ARB2A: variants seen among roughly 807,000 people sequenced by gnomAD.
ARB2A encodes cotranscriptional regulator ARB2A.
At chr5:94,076,742 C>A in the ARB2A span, among the ~76,000 whole-genome samples, 1 of 152,144 alleles carries the variant, frequency 6.6e-6, no homozygotes, top group Non-Finnish European at 1.5e-5. Flanking sequence ...TTCCACACAG[C>A]ACCCTTTGCT....
chr5:93,933,483 T>G, the ARB2A span, among the ~76,000 whole-genome samples: 1 of 152,048 alleles, frequency 6.6e-6, no homozygotes, highest in African/African-American at 2.4e-5. Flanking sequence ...TAAAAAAGGA[T>G]GAGTTCATGT....
the ARB2A span, chr5:93,805,905 G>A: frequency 1.1e-5 from 11 of 984,958 alleles, no homozygotes; most frequent in Non-Finnish European, 1.3e-5. Context: ...GAATTAGCTT[G>A]TTTGATCATG....
At chr5:94,023,982 A>G in the ARB2A span, among the ~76,000 whole-genome samples, 3 of 152,232 alleles carry the variant, frequency 2.0e-5, no homozygotes, top group Non-Finnish European at 4.4e-5. Context: ...ATAAAGCAGT[A>G]GGCATTAACT....
the ARB2A span, among the ~76,000 whole-genome samples, chr5:93,761,994 T>G: frequency 3.3e-5 from 5 of 151,876 alleles, no homozygotes; most frequent in African/African-American, 7.3e-5. Context: ...TGAGGGTCCT[T>G]ACTGTTAGAA....
chr5:93,881,333 C>T, the ARB2A span: 1 of 601,464 alleles, frequency 1.7e-6, no homozygotes, highest in Middle Eastern at 4.7e-4. Context: ...CCCATTTAAT[C>T]CAAGTAGACG....
chr5:93,700,577 T>G, the ARB2A span, among the ~76,000 whole-genome samples: 36 of 152,080 alleles, frequency 2.4e-4, no homozygotes, highest in Non-Finnish European at 4.0e-4. Context: ...TGTTACTATC[T>G]CCTGCAGCAG....
chr5:93,729,013 T>G, the ARB2A span, among the ~76,000 whole-genome samples: 1 of 152,114 alleles, frequency 6.6e-6, no homozygotes, highest in African/African-American at 2.4e-5. Flanking sequence ...TTTAACTCTT[T>G]ATTGCAGTAA....
At chr5:93,705,651 G>GTGTGTGTGTGTA in the ARB2A span, among the ~76,000 whole-genome samples, 124 of 132,926 alleles carry the variant, frequency 9.3e-4, no homozygotes, top group African/African-American at 3.2e-3. Flanking sequence ...GTGTGTGTGT[G>GTGTGTGTGTGTA]TATATATATA....
chr5:93,680,903 A>C, the ARB2A span, among the ~76,000 whole-genome samples: 1 of 152,178 alleles, frequency 6.6e-6, no homozygotes, highest in South Asian at 2.1e-4. Flanking sequence ...TTTCTTAGAT[A>C]GATTTATAAA....
At chr5:94,012,121 G>A in the ARB2A span, among the ~76,000 whole-genome samples, 49 of 152,276 alleles carry the variant, frequency 3.2e-4, no homozygotes, top group South Asian at 9.9e-3. Context: ...ATTAAGATGG[G>A]GCCAGGCGCA....
At chr5:93,639,764 G>A in the ARB2A span, among the ~76,000 whole-genome samples, 1 of 152,048 alleles carries the variant, frequency 6.6e-6, no homozygotes, top group African/African-American at 2.4e-5. Context: ...ACTGATTTAT[G>A]GGCTGGGTGT....
the ARB2A span, chr5:94,055,758 T>C: frequency 1.0e-6 from 1 of 985,336 alleles, no homozygotes; most frequent in East Asian, 1.1e-4. Context: ...TTCCAATGAA[T>C]TGAGGCTCTG....
At chr5:94,049,453 T>C in the ARB2A span, among the ~76,000 whole-genome samples, 1 of 152,130 alleles carries the variant, frequency 6.6e-6, no homozygotes, top group Non-Finnish European at 1.5e-5. Flanking sequence ...ATCCCAGTAC[T>C]CTGGGAGGCC....
At chr5:93,672,086 G>C in the ARB2A span, among the ~76,000 whole-genome samples, 5 of 152,178 alleles carry the variant, frequency 3.3e-5, no homozygotes, top group Admixed American at 6.5e-5. Flanking sequence ...TCTTAAAGAA[G>C]AATTTTATTG....
At chr5:93,981,692 A>C in the ARB2A span, among the ~76,000 whole-genome samples, 1 of 151,944 alleles carries the variant, frequency 6.6e-6, no homozygotes. Flanking sequence ...GTATTCTTAG[A>C]TTTTAGGGTG....
At chr5:93,878,945 G>C in the ARB2A span, among the ~76,000 whole-genome samples, 1 of 152,012 alleles carries the variant, frequency 6.6e-6, no homozygotes, top group African/African-American at 2.4e-5. Context: ...ACTAACATTT[G>C]TGCATCAGTT....
At chr5:93,798,077 T>C in the ARB2A span, among the ~76,000 whole-genome samples, 3 of 152,024 alleles carry the variant, frequency 2.0e-5, no homozygotes. Context: ...TAAAAGGAGA[T>C]ACTACCACAG....
At chr5:94,109,942 T>G in the ARB2A span, among the ~76,000 whole-genome samples, 2 of 145,282 alleles carry the variant, frequency 1.4e-5, no homozygotes, top group Non-Finnish European at 3.0e-5. Flanking sequence ...TGGAGTGCAG[T>G]GGCATGATGT....
the ARB2A span, among the ~76,000 whole-genome samples, chr5:93,770,495 T>C: frequency 6.6e-6 from 1 of 152,068 alleles, no homozygotes; most frequent in African/African-American, 2.4e-5. Flanking sequence ...GGTATTCAAT[T>C]AGGAAAAGAG....
Sources: gnomAD v4.1 joint callset for allele counts (sites outside exome capture counted in the v4.1 genomes callset) on GRCh38, gnomAD v4.1.1 for gene constraint, MANE v1.5 for transcripts, NCBI Gene and HGNC (gene_info 2026-07-23, HGNC 2026-07-21) for gene names.